Variants in ROBO2 observed in about 807,000 individuals in gnomAD.
ROBO2 encodes the protein roundabout guidance receptor 2, also known as roundabout homolog 2.
A neutral mutation model predicts 160.8 loss-of-function variants in ROBO2; 53 were observed. The observed-to-expected ratio is 0.33, with a 90% CI of 0.26 to 0.41. ROBO2 has a LOEUF of 0.41. Ranked by LOEUF, ROBO2 falls within the 10% of genes least tolerant of loss-of-function variation. ROBO2 has a pLI of 1.00. For synonymous variants in ROBO2, 664 were observed against 611.7 expected (o/e 1.09, Z -1.26); for missense variants, 1,577 against 1,722.4 (o/e 0.92, Z 1.49).
intron 2 of ROBO2, among the ~76,000 whole-genome samples, chr3:76,453,191 T>C (rs1028762298): frequency 2.0e-4 from 30 of 152,292 alleles, no homozygotes; most frequent in East Asian, 9.6e-4. Flanking sequence ...TAGATCCCAT[T>C]TGTCAATTTT....
chr3:77,083,892 A>G (rs1187634664), intron 1 of ROBO2, among the ~76,000 whole-genome samples: 1 of 152,094 alleles, frequency 6.6e-6, no homozygotes, highest in Admixed American at 6.6e-5. Context: ...AACAAAGCCT[A>G]GAACTTTCCT....
At chr3:76,477,831 A>T (rs185912983) in intron 2 of ROBO2, among the ~76,000 whole-genome samples, 15 of 151,904 alleles carry the variant, frequency 9.9e-5, no homozygotes, top group African/African-American at 3.6e-4. Flanking sequence ...GGCTTTAAAA[A>T]CCTTTTTTCT....
intron 2 of ROBO2, among the ~76,000 whole-genome samples, chr3:75,954,130 ATGT>A (rs1948646219): frequency 6.6e-6 from 1 of 151,824 alleles, no homozygotes; most frequent in African/African-American, 2.4e-5. Flanking sequence ...AAAGGATATC[ATGT>A]ACCCTGTGAT....
rs529503700 is a variant in ROBO2 at position 76,297,673 on chromosome 3, A to G, written c.109+360071A>G. 1.6e-4 allele frequency among the ~76,000 whole-genome samples: 24 copies of G among 151,032 alleles called. No homozygotes were observed. The South Asian group carries it at 4.4e-3, about 28-fold the overall frequency. On this transcript the variant is annotated intron_variant, in intron 2 of 26. Coordinates refer to the ROBO2 transcript ENST00000487694. ...TGTATTTCAAGAAAAAAAAAAGATCAAAGTACTTGGAGAAGAAGAAAGCTG... is the reference window on the plus strand; with the variant it reads ...TGTATTTCAAGAAAAAAAAAAGATCGAAGTACTTGGAGAAGAAGAAAGCTG...
rs547601392 is a variant in ROBO2 at position 77,289,824 on chromosome 3, G to T, written c.389-187590G>T. Among the ~76,000 whole-genome samples, 4 of 151,974 alleles carry T rather than the reference G, an allele frequency of 2.6e-5. No homozygotes were observed. In the East Asian group the frequency reaches 7.8e-4, roughly 30 times the overall value. On this transcript the variant is annotated intron_variant, in intron 2 of 25. Transcript: ENST00000461745. ...CCAAAGACATAAAGTAAAATTGACA[G>T]TTAAACAGGTAAGCTGAGGCTAGGT...
At chr3:76,034,738 A>G (rs1265612969) in intron 2 of ROBO2, among the ~76,000 whole-genome samples, 1 of 152,092 alleles carries the variant, frequency 6.6e-6, no homozygotes, top group Non-Finnish European at 1.5e-5. Flanking sequence ...AATTTCTTCC[A>G]GTGGCTGGTA....
At chr3:76,599,063 CA>C (rs1342231158) in intron 2 of ROBO2, among the ~76,000 whole-genome samples, 1 of 152,012 alleles carries the variant, frequency 6.6e-6, no homozygotes, top group African/African-American at 2.4e-5. Flanking sequence ...TACATTAAAA[CA>C]AAAATTTAAA....
chr3:77,152,067 A>C (rs376614574), intron 2 of ROBO2, among the ~76,000 whole-genome samples: 1 of 152,262 alleles, frequency 6.6e-6, no homozygotes, highest in East Asian at 1.9e-4. Flanking sequence ...TTTTCTGGGC[A>C]TATTCCTGTT....
intron 2 of ROBO2, among the ~76,000 whole-genome samples, chr3:76,315,731 G>A (rs1341338175): frequency 2.6e-5 from 4 of 152,118 alleles, no homozygotes; most frequent in Non-Finnish European, 5.9e-5. Context: ...CATAAAACCA[G>A]TATCTCACAT....
chr3:76,841,549 C>T (rs186790240), intron 2 of ROBO2, among the ~76,000 whole-genome samples: 1 of 152,060 alleles, frequency 6.6e-6, no homozygotes, highest in East Asian at 2.0e-4. Context: ...ATCCTGAAAT[C>T]CTTATTCCTC....
chr3:76,880,795 G>C (rs1251048285), intron 2 of ROBO2, among the ~76,000 whole-genome samples: 2 of 152,108 alleles, frequency 1.3e-5, no homozygotes, highest in Non-Finnish European at 2.9e-5. Flanking sequence ...GAATTTAAAA[G>C]AATATGCCAC....
chr3:76,549,818 T>C (rs1420618144), intron 2 of ROBO2, among the ~76,000 whole-genome samples: 2 of 152,232 alleles, frequency 1.3e-5, no homozygotes, highest in East Asian at 3.9e-4. Context: ...TTGTGGCCTG[T>C]CTGTTTATCT....
intron 2 of ROBO2, among the ~76,000 whole-genome samples, chr3:77,022,266 A>G (rs1241717318): frequency 6.6e-6 from 1 of 152,126 alleles, no homozygotes; most frequent in Non-Finnish European, 1.5e-5. Context: ...GCTACTCAGG[A>G]GGGTGAGGTA....
intron 2 of ROBO2, among the ~76,000 whole-genome samples, chr3:76,488,492 A>G (rs2107480447): frequency 6.6e-6 from 1 of 152,296 alleles, no homozygotes; most frequent in South Asian, 2.1e-4. Context: ...TCCTCTCCAC[A>G]GCATATCAGC....
rs76348919 is a variant in ROBO2, at chr3:76,574,617, G to A, written c.110-523397G>A. ...ACATGAGTTTTTCTGCCTGTAAAAT[G>A]AGAGTATACCCACTTCCTATCATAG... is the stretch of plus-strand genomic sequence containing the variant. On this transcript the variant is annotated intron_variant, in intron 2 of 26. Coordinates refer to the ROBO2 transcript ENST00000487694. Among the ~76,000 whole-genome samples the A allele has an allele frequency of 3.7e-3, 563 of 152,230 alleles. 2 individuals carry two copies. Among genetic ancestry groups the A allele is most frequent in the African/African-American group, 0.013 (530 of 41,548 alleles).
At chr3:76,520,169 G>C (rs1172053156) in intron 2 of ROBO2, among the ~76,000 whole-genome samples, 1 of 152,112 alleles carries the variant, frequency 6.6e-6, no homozygotes, top group Non-Finnish European at 1.5e-5. Context: ...AGGATTTCCA[G>C]GCCAGGCGCA....
intron 2 of ROBO2, among the ~76,000 whole-genome samples, chr3:77,404,606 T>C (rs2076107298): frequency 6.6e-6 from 1 of 152,256 alleles, no homozygotes; most frequent in South Asian, 2.1e-4. Context: ...GAAGGAAAAT[T>C]CCCTCCAAAT....
chr3:76,138,577 C>A (rs1006365199), intron 2 of ROBO2, among the ~76,000 whole-genome samples: 1 of 151,934 alleles, frequency 6.6e-6, no homozygotes, highest in Admixed American at 6.6e-5. Flanking sequence ...TTAAAGTGTT[C>A]CTTGAAGCTT....
chr3:77,625,633 C>T (rs760141832), intron 23 of ROBO2, among the ~76,000 whole-genome samples: 40 of 152,142 alleles, frequency 2.6e-4, no homozygotes, highest in Non-Finnish European at 5.4e-4. Context: ...GCCTCGGCCT[C>T]CCAAAGTGCT....
Sources: gnomAD v4.1 joint callset for allele counts (sites outside exome capture counted in the v4.1 genomes callset) on GRCh38, gnomAD v4.1.1 for gene constraint, MANE v1.5 for transcripts, NCBI Gene and HGNC (gene_info 2026-07-23, HGNC 2026-07-21) for gene names.